The following ALDH4A1 variants were observed in gnomAD, a reference collection of about 807,000 sequenced individuals.
ALDH4A1 encodes the protein aldehyde dehydrogenase 4 family member A1, also known as delta-1-pyrroline-5-carboxylate dehydrogenase, mitochondrial.
A neutral mutation model predicts 70.5 loss-of-function variants in ALDH4A1; 46 were observed. The observed-to-expected ratio is 0.65, with a 90% CI of 0.51 to 0.83. The LOEUF is 0.83. Ranked by LOEUF, ALDH4A1 falls within the 40% of genes least tolerant of loss-of-function variation. ALDH4A1 has a pLI of 0.00. For missense variants in ALDH4A1, 749 were observed against 766.5 expected (o/e 0.98, Z 0.27); for synonymous variants, 323 against 324.3 (o/e 1.00, Z 0.04).
chr1:18,897,332 C>G (rs1439875402), intron 1 of ALDH4A1, among the ~76,000 whole-genome samples: 1 of 152,188 alleles, frequency 6.6e-6, no homozygotes, highest in Non-Finnish European at 1.5e-5. Context: ...CACTTGAGGT[C>G]AGGAGTTCTA....
chr1:18,887,804 A>G (rs564141795), intron 3 of ALDH4A1, among the ~76,000 whole-genome samples: 1 of 152,292 alleles, frequency 6.6e-6, no homozygotes, highest in African/African-American at 2.4e-5. Flanking sequence ...CCCTGGCATT[A>G]AGCTGGTCCC....
intron 9 of ALDH4A1, 91 bp downstream of exon 9, chr1:18,879,209 G>A: frequency 7.5e-7 from 1 of 1,325,610 alleles, no homozygotes; most frequent in Non-Finnish European, 1.1e-6. Context: ...CTGACTTGTG[G>A]CTGGATCCCC....
Position 18,898,689 on chromosome 1 carries a change from A to G in ALDH4A1, c.62+3773T>C, listed in dbSNP as rs1935702173. On this transcript the variant is annotated intron_variant, in intron 1 of 14. Coordinates refer to ENST00000375341, the MANE Select transcript of ALDH4A1 (RefSeq NM_003748.4). The surrounding 1 kb of genome is among the most constrained non-coding windows in gnomAD (Gnocchi z 4.3). ...AACATAAGGGAGCCCAGAGAGGGTG[A>G]GTAACCTGCCCGGGGCCACAGAGCT... is the stretch of plus-strand genomic sequence containing the variant. Among the ~76,000 whole-genome samples, 3 of 152,208 alleles carry G rather than the reference A, an allele frequency of 2.0e-5. No individual in the cohort carries two copies. Among genetic ancestry groups the G allele is most frequent in the South Asian group, 4.1e-4 (2 of 4,830 alleles).
Position 18,881,803 on chromosome 1 carries a change from G to A in ALDH4A1, c.763C>T (p.Pro255Ser), listed in dbSNP as rs761432225. ...VYRILREAGLPPNIIQFVPAD... is the reference protein window; with the variant it reads ...VYRILREAGLSPNIIQFVPAD... The stretch of plus-strand genomic sequence containing the variant: ...GGCACAAACTGGATGATGTTGGGGG[G>A]CAGGCCAGCCTCCCGAAGGATGCGG... Residue 255 changes from proline to serine, a missense_variant, in exon 8 of 15, where the codon CCC (proline) becomes TCC (serine). Physicochemically the swap from Pro to Ser is moderately conservative, Grantham distance 74. Transcript: ENST00000375341. 4 of 1,613,856 alleles carry A rather than the reference G, an allele frequency of 2.5e-6. No homozygotes were observed. The highest frequency in any genetic ancestry group is 3.4e-6 in the Non-Finnish European group (4 of 1,180,050).
chr1:18,877,056 G>T, intron 11 of ALDH4A1, 152 bp downstream of exon 11: 2 of 972,150 alleles, frequency 2.1e-6, no homozygotes, highest in South Asian at 1.5e-5. Flanking sequence ...CCTTTCTGAA[G>T]CTGGAGGTGC....
Position 18,881,852 on chromosome 1 carries a change from G to A in ALDH4A1, c.714C>T (p.Ala238=), listed in dbSNP as rs368878142. The A allele has an allele frequency of 6.2e-6, 10 of 1,613,800 alleles. No individual in the cohort carries two copies. The highest frequency in any genetic ancestry group is 8.5e-6 in the Non-Finnish European group (10 of 1,180,044). ...NVVLWKPSDT[A]MLASYAVYRI... ...GGTAGACAGCATAGCTGGCCAGCAT[G>A]GCAGTGTCACTGGGCTTCCATAGGA... The change falls in exon 8 of 15, where the codon GCC becomes GCT. Residue 238 remains alanine, a synonymous_variant. Coordinates refer to ENST00000375341, the MANE Select transcript of ALDH4A1 (RefSeq NM_003748.4).
At chr1:18,883,521 G>A (rs1935074345) in intron 5 of ALDH4A1, 93 bp from the exon 6 acceptor site, 2 of 1,566,710 alleles carry the variant, frequency 1.3e-6, no homozygotes, top group African/African-American at 1.4e-5. Flanking sequence ...CGAGCACTGA[G>A]CCGGGCCCCA....
At chr1:18,879,418 A>T (rs1489635000) in intron 8 of ALDH4A1, 45 bp from the exon 9 acceptor site, 1 of 1,561,416 alleles carries the variant, frequency 6.4e-7, no homozygotes, top group Non-Finnish European at 8.8e-7. Flanking sequence ...GCCAGGCCAG[A>T]GGAAGGGGGC....
intron 1 of ALDH4A1, chr1:18,890,650 G>A (rs1280563470): frequency 8.2e-6 from 8 of 979,828 alleles, no homozygotes; most frequent in African/African-American, 1.8e-5. Flanking sequence ...TCCTGTGAAC[G>A]TGGTTCTACG....
rs1442794127 is a variant in ALDH4A1 at position 18,890,307 on chromosome 1, C to G, written c.63-202G>C. 10 of 536,632 alleles carry G rather than the reference C, an allele frequency of 1.9e-5. No homozygotes were observed. In the East Asian group the frequency reaches 2.6e-4, roughly 14 times the overall value. The allele number at this position is 536,632 out of a possible 1,614,324, so 33.2% of individuals were successfully genotyped here. A position where few individuals can be genotyped will look rare whatever the true frequency, so the allele number is the denominator to read the frequency against. On this transcript the variant is annotated intron_variant, in intron 1 of 14. Transcript: ENST00000375341. ...CTGTAATCCCAGCACTTTGGGAGAC[C>G]AAGGCGGGCAAATCACTTGAGGTCA...
At chr1:18,896,994 T>G in intron 1 of ALDH4A1, 1 of 487,964 alleles carries the variant, frequency 2.0e-6, no homozygotes, top group South Asian at 1.5e-5. Context: ...TGCCACCACA[T>G]GCCAAGCATT....
chr1:18,876,529 C>T, intron 11 of ALDH4A1, 62 bp from the exon 12 acceptor site: 6 of 1,509,612 alleles, frequency 4.0e-6, no homozygotes, highest in Non-Finnish European at 4.4e-6. Flanking sequence ...CGGCAGCCCC[C>T]ACAACACACT....
Position 18,886,490 on chromosome 1 carries a change from C to G in ALDH4A1, c.271G>C (p.Val91Leu), listed in dbSNP as rs1416259755. The change falls in exon 4 of 15, where the codon GTG (valine) becomes CTG (leucine). Residue 91 changes from valine (V) to leucine (L), a missense_variant. Transcript: ENST00000375341. ...QVSPFNHGHK[V>L]AKFCYADKSL... is the part of the protein sequence containing the mutation. Reference sequence around the variant, plus strand: ...TTGTCTGCATAACAGAACTTGGCCACCTTATGTCCATGGTTAAAAGGCTGA... The same window carrying G: ...TTGTCTGCATAACAGAACTTGGCCAGCTTATGTCCATGGTTAAAAGGCTGA... 7 of 1,614,062 alleles carry G rather than the reference C, an allele frequency of 4.3e-6. No homozygotes were observed. The highest frequency in any genetic ancestry group is 5.9e-6 in the Non-Finnish European group (7 of 1,180,036).
chr1:18,885,427 T>TACCACCC, intron 5 of ALDH4A1, 46 bp downstream of exon 5: 1 of 650,922 alleles, frequency 1.5e-6, no homozygotes, highest in Non-Finnish European at 2.7e-6. Flanking sequence ...CACACCTGAC[T>TACCACCC]CCCACCCCAC....
intron 14 of ALDH4A1, among the ~76,000 whole-genome samples, chr1:18,873,530 C>T (rs111529363): frequency 0.034 from 5,102 of 152,202 alleles, 200 homozygotes; most frequent in African/African-American, 0.098. Context: ...GAGGTTGAGT[C>T]GACCCCAATG....
At position 18,874,495 on chromosome 1, in the gene ALDH4A1, C is replaced by G. The variant is rs773884295; in HGVS notation, c.1547G>C (p.Gly516Ala). Residue 516 changes from glycine to alanine, a missense_variant, in exon 14 of 15, where the codon GGC (glycine) becomes GCC (alanine). Coordinates refer to ENST00000375341, the MANE Select transcript of ALDH4A1 (RefSeq NM_003748.4). ...TCGGGCCCCCCCAAAGGGCTGCTGG[C>G]CCACTATCGAGCCAGTGGACTTGTC... is the stretch of plus-strand genomic sequence containing the variant. ...INDKSTGSIV[G>A]QQPFGGARAS... 1.2e-6 allele frequency: 2 copies of G among 1,614,150 alleles called. No individual in the cohort carries two copies. Among genetic ancestry groups the G allele is most frequent in the South Asian group, 2.2e-5 (2 of 91,088 alleles).
intron 11 of ALDH4A1, among the ~76,000 whole-genome samples, chr1:18,876,714 G>A (rs988896474): frequency 1.0e-5 from 1 of 96,680 alleles, no homozygotes; most frequent in Admixed American, 1.3e-4. Flanking sequence ...AGTACTACAG[G>A]TGCACTCGCA....
chr1:18,901,573 G>A (rs1935800268), intron 1 of ALDH4A1, among the ~76,000 whole-genome samples: 1 of 152,190 alleles, frequency 6.6e-6, no homozygotes, highest in African/African-American at 2.4e-5. Context: ...CATTGAGTGG[G>A]CAAGGGTCCA....
rs749404523 is a variant in ALDH4A1, at chr1:18,877,404, G to A, written c.1137+12C>T. On this transcript the variant is annotated intron_variant, in intron 10 of 14. Coordinates refer to ENST00000375341, the MANE Select transcript of ALDH4A1 (RefSeq NM_003748.4). Reference sequence around the variant, plus strand: ...CCCGCTGGGCCGCGGCGGGGGTGACGGTGCCACTCACGTCGCCCACTTTGA... The same window carrying A: ...CCCGCTGGGCCGCGGCGGGGGTGACAGTGCCACTCACGTCGCCCACTTTGA... 8 of 1,560,666 alleles carry A rather than the reference G, an allele frequency of 5.1e-6. No homozygotes were observed. Among genetic ancestry groups the A allele is most frequent in the South Asian group, 1.2e-5 (1 of 85,626 alleles).
Sources: allele counts gnomAD v4.1 joint callset (sites outside exome capture counted in the v4.1 genomes callset), GRCh38; gene constraint gnomAD v4.1.1; non-coding constraint Gnocchi (gnomAD v3.1); transcripts MANE v1.5; gene names NCBI Gene and HGNC (gene_info 2026-07-23, HGNC 2026-07-21).